The following HTRA1 variants were observed in gnomAD, a reference collection of about 807,000 sequenced individuals.
HTRA1 encodes the protein serine protease HTRA1.
In HTRA1, 26 loss-of-function variants were observed where a neutral mutation model predicts 49.7. That is an observed-to-expected ratio of 0.52 (90% CI 0.38 to 0.73). The LOEUF (loss-of-function observed/expected upper bound fraction) is 0.73, where lower values mean the gene tolerates loss of function less well. Among genes scored for constraint, HTRA1 ranks in the 30% least tolerant of loss-of-function variants. The pLI is 0.00. For missense variants in HTRA1, 561 were observed against 667.2 expected (o/e 0.84, Z 1.75); for synonymous variants, 291 against 286.9 (o/e 1.01, Z -0.14).
chr10:122,511,660 G>C (rs1484477295), intron 7 of HTRA1, among the ~76,000 whole-genome samples: 1 of 151,580 alleles, frequency 6.6e-6, no homozygotes, highest in Non-Finnish European at 1.5e-5. Context: ...TTGAACCCGG[G>C]ATATGTAGGT....
chr10:122,493,478 A>G (rs937256629), intron 3 of HTRA1, among the ~76,000 whole-genome samples: 1 of 152,290 alleles, frequency 6.6e-6, no homozygotes, highest in Admixed American at 6.5e-5. Context: ...GCTTTCATCC[A>G]ATGGTGGCAT....
chr10:122,497,946 C>T (rs1422824043), intron 3 of HTRA1, among the ~76,000 whole-genome samples: 1 of 152,148 alleles, frequency 6.6e-6, no homozygotes, highest in Non-Finnish European at 1.5e-5. Flanking sequence ...CCTCTGGATG[C>T]CCCGAATATA....
intron 3 of HTRA1, among the ~76,000 whole-genome samples, chr10:122,492,028 C>T (rs1307230426): frequency 6.6e-6 from 1 of 152,116 alleles, no homozygotes; most frequent in Non-Finnish European, 1.5e-5. Context: ...GCTGGCCTTG[C>T]TTTGTGTCAT....
At chr10:122,489,391 A>G in intron 2 of HTRA1, 31 bp from the exon 3 acceptor site, 1 of 1,597,408 alleles carries the variant, frequency 6.3e-7, no homozygotes, top group Non-Finnish European at 8.6e-7. Context: ...AAGGTGCTAC[A>G]GGCTTAAGTG....
Position 122,464,042 on chromosome 10 carries a change from G to C in HTRA1, c.472+1918G>C, listed in dbSNP as rs1357091384. ...CTGGAGCAACTCAAAGCCTAGTGTA[G>C]TGTAGGGCTGACCTAGCAGTGGAGT... On this transcript the variant is annotated intron_variant, in intron 1 of 8. Coordinates refer to ENST00000368984, the MANE Select transcript of HTRA1 (RefSeq NM_002775.5). The surrounding 1 kb of genome is among the most constrained non-coding windows in gnomAD (Gnocchi z 4.8). Among the ~76,000 whole-genome samples, 2 of 152,214 alleles carry C rather than the reference G, an allele frequency of 1.3e-5. No individual in the cohort carries two copies. The highest frequency in any genetic ancestry group is 4.8e-5 in the African/African-American group (2 of 41,448).
At chr10:122,503,073 C>T (rs1485541325) in intron 3 of HTRA1, among the ~76,000 whole-genome samples, 17 of 152,246 alleles carry the variant, frequency 1.1e-4, no homozygotes, top group Non-Finnish European at 5.9e-5. Context: ...TTCAAGACGG[C>T]CTGTGGCCGG....
At position 122,480,149 on chromosome 10, in the gene HTRA1, C is replaced by G. The variant is rs921529021; in HGVS notation, c.473-8753C>G. 3.3e-5 allele frequency among the ~76,000 whole-genome samples: 5 copies of G among 152,306 alleles called. No individual in the cohort carries two copies. In the South Asian group the frequency reaches 1.0e-3, roughly 32 times the overall value. On this transcript the variant is annotated intron_variant, in intron 1 of 8. Coordinates refer to ENST00000368984, the MANE Select transcript of HTRA1 (RefSeq NM_002775.5). ...AGGGAGACTGAGGCTGAAGCAGGGA[C>G]ATTCATGATCTGAAGTCACACAGCT...
intron 1 of HTRA1, among the ~76,000 whole-genome samples, chr10:122,477,388 C>T (rs1444238596): frequency 6.6e-6 from 1 of 152,094 alleles, no homozygotes; most frequent in Non-Finnish European, 1.5e-5. Context: ...CCACATACAC[C>T]CCAGGAAATT....
chr10:122,469,963 C>T (rs1049603158), intron 1 of HTRA1, among the ~76,000 whole-genome samples: 2 of 151,820 alleles, frequency 1.3e-5, no homozygotes, highest in African/African-American at 4.8e-5. Flanking sequence ...TATTCTATTA[C>T]GTTTGTTAGG....
At chr10:122,472,822 T>A (rs956748028) in intron 1 of HTRA1, among the ~76,000 whole-genome samples, 3 of 152,354 alleles carry the variant, frequency 2.0e-5, no homozygotes, top group Non-Finnish European at 4.4e-5. Flanking sequence ...TATGGCTATT[T>A]CTGTATCTAG....
Position 122,494,064 on chromosome 10 carries a change from C to T in HTRA1, c.777+4438C>T, listed in dbSNP as rs1172953330. Among the ~76,000 whole-genome samples the T allele has an allele frequency of 6.6e-6, 1 of 152,166 alleles. No homozygotes were observed. The highest frequency in any genetic ancestry group is 1.5e-5 in the Non-Finnish European group (1 of 68,032). ...CGCTGTGTGAGGTAGCGCCCCATGC[C>T]CCAGTCCCCTCAACTCCACTGCCTC... On this transcript the variant is annotated intron_variant, in intron 3 of 8. Coordinates refer to ENST00000368984, the MANE Select transcript of HTRA1 (RefSeq NM_002775.5). This position sits in a 1 kb window ranked among gnomAD's most constrained non-coding sequence, Gnocchi z 4.0.
chr10:122,462,248 G>C, intron 1 of HTRA1, 124 bp downstream of exon 1: 2 of 846,400 alleles, frequency 2.4e-6, no homozygotes, highest in South Asian at 3.2e-5. Context: ...GCAACTCTCG[G>C]GGACAGGCAG....
chr10:122,461,722 C>T lies in HTRA1; in HGVS notation c.70C>T (p.Leu24=), dbSNP rs1015844850. 8.3e-7 allele frequency: 1 copy of T among 1,198,662 alleles called. No individual in the cohort carries two copies. The highest frequency in any genetic ancestry group is 1.0e-6 in the Non-Finnish European group (1 of 954,196). The allele number at this position is 1,198,662 out of a possible 1,614,324, so 74.3% of individuals were successfully genotyped here. ...GCTGGCGGCGCCCGCCTCGGCGCAG[C>T]TGTCCCGGGCCGGCCGCTCGGCGCC... ...LLLAAPASAQ[L]SRAGRSAPLA... The change falls in exon 1 of 9, where the codon CTG becomes TTG. Residue 24 remains leucine, a synonymous_variant. Coordinates refer to ENST00000368984, the MANE Select transcript of HTRA1 (RefSeq NM_002775.5).
At chr10:122,505,449 A>C (rs1307621000) in intron 3 of HTRA1, among the ~76,000 whole-genome samples, 1 of 152,042 alleles carries the variant, frequency 6.6e-6, no homozygotes, top group Non-Finnish European at 1.5e-5. Flanking sequence ...AGTGGATGAG[A>C]GAGTCTGTTT....
chr10:122,509,388 C>T (rs369900207), intron 6 of HTRA1, among the ~76,000 whole-genome samples: 2 of 152,294 alleles, frequency 1.3e-5, no homozygotes, highest in South Asian at 2.1e-4. Flanking sequence ...GAAATGCCTT[C>T]CAAGCTGAGG....
chr10:122,502,187 G>A (rs76204155), intron 3 of HTRA1, among the ~76,000 whole-genome samples: 1 of 152,042 alleles, frequency 6.6e-6, no homozygotes, highest in South Asian at 2.1e-4. Context: ...GAGAGGGCAA[G>A]GGCAGATTTT....
intron 1 of HTRA1, among the ~76,000 whole-genome samples, chr10:122,477,642 G>T (rs1383963097): frequency 1.3e-5 from 2 of 152,194 alleles, no homozygotes; most frequent in Non-Finnish European, 2.9e-5. Flanking sequence ...TAGCAGCCCT[G>T]CCAGAGAGAG....
chr10:122,488,467 C>T (rs1263815140), intron 1 of HTRA1, among the ~76,000 whole-genome samples: 5 of 152,106 alleles, frequency 3.3e-5, no homozygotes, highest in African/African-American at 1.2e-4. Flanking sequence ...TAGGCTGAGG[C>T]AGAAGAATCG....
In HTRA1 at chr10:122,509,678, G is replaced by A. The variant is rs145125148; in HGVS notation, c.1121-418G>A. ...TCACTGAAAGGACACTCTGATGGCTGCGGGGAGTCTGCTGGAGGGGTTGCT... is the reference window on the plus strand; with the variant it reads ...TCACTGAAAGGACACTCTGATGGCTACGGGGAGTCTGCTGGAGGGGTTGCT... On this transcript the variant is annotated intron_variant, in intron 6 of 8. Transcript: ENST00000368984. Among the ~76,000 whole-genome samples, 274 of 152,314 alleles carry A rather than the reference G, an allele frequency of 1.8e-3. 1 individual carries two copies. Among genetic ancestry groups the A allele is most frequent in the African/African-American group, 6.3e-3 (263 of 41,566 alleles).
Sources: allele counts gnomAD v4.1 joint callset (sites outside exome capture counted in the v4.1 genomes callset), GRCh38; gene constraint gnomAD v4.1.1; non-coding constraint Gnocchi (gnomAD v3.1); transcripts MANE v1.5; gene names NCBI Gene and HGNC (gene_info 2026-07-23, HGNC 2026-07-21).